ATG10: variants seen among roughly 807,000 people sequenced by gnomAD.
The protein encoded by ATG10 is ubiquitin-like-conjugating enzyme ATG10.
Under a neutral mutation model 32.1 loss-of-function variants are expected in ATG10, and 30 were observed. That is an observed-to-expected ratio of 0.94 (90% CI 0.70 to 1.27). The LOEUF (loss-of-function observed/expected upper bound fraction) is 1.27. Among genes scored for constraint, ATG10 ranks in the 50% most tolerant of loss-of-function variants. The pLI, the probability that ATG10 is intolerant of heterozygous loss-of-function variation, is 0.00. For synonymous variants in ATG10, 87 were observed against 91.5 expected (o/e 0.95, Z 0.28); for missense variants, 233 against 262.3 (o/e 0.89, Z 0.77).
intron 2 of ATG10, among the ~76,000 whole-genome samples, chr5:82,001,972 A>G (rs892234809): frequency 2.0e-5 from 3 of 152,244 alleles, no homozygotes; most frequent in Non-Finnish European, 2.9e-5. Context: ...AAAGTAGGCA[A>G]AGGACATGAA....
intron 2 of ATG10, among the ~76,000 whole-genome samples, chr5:82,021,832 G>C (rs1762447126): frequency 6.6e-6 from 1 of 152,074 alleles, no homozygotes; most frequent in African/African-American, 2.4e-5. Flanking sequence ...AGACCATCCT[G>C]GCCAACATGT....
At chr5:82,149,197 G>A (rs1767485679) in intron 3 of ATG10, among the ~76,000 whole-genome samples, 1 of 151,554 alleles carries the variant, frequency 6.6e-6, no homozygotes, top group African/African-American at 2.4e-5. Flanking sequence ...TGGCAACCAG[G>A]GCAGCCCTGG....
chr5:81,983,612 C>T (rs1313241869), intron 1 of ATG10, among the ~76,000 whole-genome samples: 33 of 145,164 alleles, frequency 2.3e-4, no homozygotes, highest in Middle Eastern at 4.3e-3. Context: ...CTCACCTCCC[C>T]GGACGGGGCG....
In ATG10 at chr5:82,236,365, G is replaced by A. The variant is rs1424339456; in HGVS notation, c.454-16197G>A. Among the ~76,000 whole-genome samples, 4 of 152,090 alleles carry A rather than the reference G, an allele frequency of 2.6e-5. No homozygotes were observed. In the East Asian group the frequency reaches 7.7e-4, roughly 29 times the overall value. ...AATTATGTACAACAAATTGATAATTGAATAAGTTTGGGAACTCGGAGTTCT... is the reference window on the plus strand; with the variant it reads ...AATTATGTACAACAAATTGATAATTAAATAAGTTTGGGAACTCGGAGTTCT... On this transcript the variant is annotated intron_variant, in intron 5 of 7. Transcript: ENST00000282185.
At chr5:82,131,471 T>A (rs1166632559) in intron 3 of ATG10, among the ~76,000 whole-genome samples, 1 of 152,172 alleles carries the variant, frequency 6.6e-6, no homozygotes, top group Non-Finnish European at 1.5e-5. Context: ...GTTTCTCTTT[T>A]CACATGTGTA....
intron 5 of ATG10, among the ~76,000 whole-genome samples, chr5:82,220,973 G>C (rs1261377532): frequency 6.6e-6 from 1 of 152,108 alleles, no homozygotes; most frequent in African/African-American, 2.4e-5. Context: ...GGCCAGGCTA[G>C]TCTTGAAACC....
rs1176781127 is a variant in ATG10, at chr5:82,050,058, C to A, written c.109-8437C>A. ...AATTTTGTAATTTGTTTTCTATGCACATATAAATATATTTATACACATTTA... is the reference window on the plus strand; with the variant it reads ...AATTTTGTAATTTGTTTTCTATGCAAATATAAATATATTTATACACATTTA... On this transcript the variant is annotated intron_variant, in intron 2 of 7. Coordinates refer to ENST00000282185, the MANE Select transcript of ATG10 (RefSeq NM_031482.5). Among the ~76,000 whole-genome samples, 6 of 152,208 alleles carry A rather than the reference C, an allele frequency of 3.9e-5. No homozygotes were observed. The East Asian group carries it at 1.2e-3, about 29-fold the overall frequency.
intron 1 of ATG10, among the ~76,000 whole-genome samples, chr5:81,983,786 TG>T (rs1334965616): frequency 1.4e-5 from 2 of 145,338 alleles, no homozygotes; most frequent in African/African-American, 2.6e-5. Flanking sequence ...ACTTCTCAGA[TG>T]GGGCGGCCAG....
intron 2 of ATG10, among the ~76,000 whole-genome samples, chr5:82,002,462 TA>T (rs1229654903): frequency 1.3e-5 from 2 of 152,064 alleles, no homozygotes; most frequent in African/African-American, 4.8e-5. Flanking sequence ...TATGTAGCCA[TA>T]AAAAAAGAAA....
At chr5:82,027,788 G>A (rs569565994) in intron 2 of ATG10, among the ~76,000 whole-genome samples, 3 of 152,216 alleles carry the variant, frequency 2.0e-5, no homozygotes, top group East Asian at 1.9e-4. Context: ...AATGACAATC[G>A]TCTCAAATTT....
chr5:82,161,038 T>A (rs1160224956), intron 3 of ATG10, among the ~76,000 whole-genome samples: 2 of 152,156 alleles, frequency 1.3e-5, no homozygotes, highest in Admixed American at 6.5e-5. Flanking sequence ...TCTAAAACCA[T>A]CTGGCACTTT....
At chr5:82,070,728 A>G (rs996780585) in intron 3 of ATG10, among the ~76,000 whole-genome samples, 22 of 152,002 alleles carry the variant, frequency 1.4e-4, no homozygotes, top group Admixed American at 1.0e-3. Context: ...TTACACCTCT[A>G]TTGCCACTTC....
intron 5 of ATG10, among the ~76,000 whole-genome samples, chr5:82,208,857 G>T (rs563906819): frequency 6.6e-6 from 1 of 152,116 alleles, no homozygotes; most frequent in Non-Finnish European, 1.5e-5. Context: ...ATACAACTTC[G>T]TTGTAATATA....
At chr5:82,035,355 T>C (rs1762885696) in intron 2 of ATG10, among the ~76,000 whole-genome samples, 1 of 152,250 alleles carries the variant, frequency 6.6e-6, no homozygotes, top group Non-Finnish European at 1.5e-5. Context: ...TGTTCACTGC[T>C]GTATTCTTAG....
chr5:81,998,177 A>C (rs1177598566), intron 2 of ATG10, among the ~76,000 whole-genome samples: 1 of 152,258 alleles, frequency 6.6e-6, no homozygotes, highest in Non-Finnish European at 1.5e-5. Flanking sequence ...CCATCAGGTT[A>C]ACAGCAGACC....
intron 5 of ATG10, among the ~76,000 whole-genome samples, chr5:82,200,661 T>C (rs895146374): frequency 5.3e-5 from 8 of 150,746 alleles, no homozygotes; most frequent in Non-Finnish European, 8.9e-5. Flanking sequence ...ATTTTAAACA[T>C]TGGATTTTTT....
intron 3 of ATG10, among the ~76,000 whole-genome samples, chr5:82,119,101 C>T (rs1247966865): frequency 2.0e-5 from 3 of 152,170 alleles, no homozygotes; most frequent in Non-Finnish European, 4.4e-5. Context: ...TTTTCTACTA[C>T]TTCAAGCCTA....
chr5:82,021,829 C>T (rs527944028), intron 2 of ATG10, among the ~76,000 whole-genome samples: 3 of 151,916 alleles, frequency 2.0e-5, no homozygotes, highest in Admixed American at 1.3e-4. Context: ...TTGAGACCAT[C>T]CTGGCCAACA....
intron 3 of ATG10, among the ~76,000 whole-genome samples, chr5:82,136,859 G>T (rs999438354): frequency 2.0e-5 from 3 of 152,078 alleles, no homozygotes; most frequent in African/African-American, 4.8e-5. Context: ...AATCAATGTA[G>T]GTTTGATCTT....
Sources: gnomAD v4.1 joint callset for allele counts (sites outside exome capture counted in the v4.1 genomes callset) on GRCh38, gnomAD v4.1.1 for gene constraint, MANE v1.5 for transcripts, NCBI Gene and HGNC (gene_info 2026-07-23, HGNC 2026-07-21) for gene names.